TMEM117: variants seen among roughly 807,000 people sequenced by gnomAD.
TMEM117 encodes transmembrane protein 117.
TMEM117 carries 27 observed loss-of-function variants against 52.4 expected under a neutral mutation model. The ratio of observed to expected loss-of-function variants is 0.51; its 90% CI spans 0.38 to 0.71. The LOEUF (loss-of-function observed/expected upper bound fraction) is 0.71, where lower values mean the gene tolerates loss of function less well. Ranked by LOEUF, TMEM117 falls within the 30% of genes least tolerant of loss-of-function variation. TMEM117 has a pLI of 0.00. For synonymous variants in TMEM117, 215 were observed against 206.3 expected (o/e 1.04, Z -0.36); for missense variants, 556 against 630.5 (o/e 0.88, Z 1.26).
At chr12:44,327,286 G>C (rs1951209027) in intron 6 of TMEM117, among the ~76,000 whole-genome samples, 1 of 152,022 alleles carries the variant, frequency 6.6e-6, no homozygotes, top group Admixed American at 6.6e-5. Context: ...AGTACATTCA[G>C]GTATAAAACT....
the TMEM117 span, among the ~76,000 whole-genome samples, chr12:43,804,848 C>A: frequency 6.6e-6 from 1 of 152,188 alleles, no homozygotes; most frequent in Non-Finnish European, 1.5e-5. Flanking sequence ...ACTGAAGTTA[C>A]TCAAACCCAA....
intron 3 of TMEM117, among the ~76,000 whole-genome samples, chr12:44,068,879 C>G (rs2137975993): frequency 6.6e-6 from 1 of 152,194 alleles, no homozygotes; most frequent in East Asian, 1.9e-4. Context: ...AAGTAAAGCA[C>G]AATAAAATGA....
chr12:43,806,119 G>A, the TMEM117 span: 1 of 1,525,128 alleles, frequency 6.6e-7, no homozygotes, highest in Non-Finnish European at 8.8e-7. Context: ...CCGACTTCCG[G>A]AGCTCCCGGC....
At chr12:44,042,954 A>G (rs572345720) in intron 3 of TMEM117, among the ~76,000 whole-genome samples, 5 of 152,276 alleles carry the variant, frequency 3.3e-5, no homozygotes, top group African/African-American at 1.2e-4. Flanking sequence ...TTAGACCCCA[A>G]AATGCTAAGG....
chr12:44,380,317 G>A (rs1288868174), intron 7 of TMEM117, among the ~76,000 whole-genome samples: 1 of 152,140 alleles, frequency 6.6e-6, no homozygotes, highest in African/African-American at 2.4e-5. Flanking sequence ...CACAGAGGAA[G>A]CTGGAGCCAG....
chr12:43,845,112 T>G lies in TMEM117; in HGVS notation c.277+184T>G, dbSNP rs1943179806. On this transcript the variant is annotated intron_variant, in intron 2 of 7. Coordinates refer to ENST00000266534, the MANE Select transcript of TMEM117 (RefSeq NM_032256.3). ...CTCTCTGTTAATGGTTTACTTTTCC[T>G]ACTGTCTAAGGAAAATTAGCACGAG... The G allele has an allele frequency of 6.4e-6, 4 of 626,782 alleles. No individual in the cohort carries two copies. The East Asian group carries it at 1.2e-4, about 19-fold the overall frequency. The allele number at this position is 626,782 out of a possible 1,614,324, so 38.8% of individuals were successfully genotyped here. A position where few individuals can be genotyped will look rare whatever the true frequency, so the allele number is the denominator to read the frequency against.
chr12:43,857,277 A>C (rs1289815767), intron 2 of TMEM117, among the ~76,000 whole-genome samples: 1 of 151,482 alleles, frequency 6.6e-6, no homozygotes, highest in Admixed American at 6.6e-5. Flanking sequence ...GAGCATTATA[A>C]TTAAGCAATT....
intron 2 of TMEM117, among the ~76,000 whole-genome samples, chr12:43,887,234 G>A (rs1944013886): frequency 6.6e-6 from 1 of 152,086 alleles, no homozygotes; most frequent in African/African-American, 2.4e-5. Context: ...GTACTGCCTG[G>A]GACAAAGCTA....
chr12:43,990,513 C>T (rs540762486), intron 3 of TMEM117, among the ~76,000 whole-genome samples: 3 of 152,144 alleles, frequency 2.0e-5, no homozygotes, highest in East Asian at 1.9e-4. Context: ...TACCTCACAC[C>T]GTAAAAGATT....
intron 5 of TMEM117, among the ~76,000 whole-genome samples, chr12:44,276,106 T>G (rs987654589): frequency 8.6e-5 from 13 of 152,028 alleles, no homozygotes; most frequent in Non-Finnish European, 1.8e-4. Flanking sequence ...AAAATAGAAC[T>G]GTCATGTGAT....
chr12:44,037,129 T>C (rs980247953), intron 3 of TMEM117, among the ~76,000 whole-genome samples: 3 of 151,976 alleles, frequency 2.0e-5, no homozygotes, highest in African/African-American at 7.3e-5. Flanking sequence ...TTAGGAGCCT[T>C]GCACTTCCCA....
intron 3 of TMEM117, among the ~76,000 whole-genome samples, chr12:44,128,061 A>C (rs944486470): frequency 1.3e-5 from 2 of 152,214 alleles, no homozygotes; most frequent in Non-Finnish European, 2.9e-5. Flanking sequence ...TTATGCTTCT[A>C]ATGTTCCCAT....
At position 44,245,060 on chromosome 12, in the gene TMEM117, A is replaced by G. The variant is rs185925262; in HGVS notation, c.608+33673A>G. ...TTCCATTGGTTGGTGTGTCTATTTT[A>G]TGTTAGTATCATGCTATTTTGATTA... On this transcript the variant is annotated intron_variant, in intron 5 of 7. Coordinates refer to ENST00000266534, the MANE Select transcript of TMEM117 (RefSeq NM_032256.3). 2.4e-3 allele frequency among the ~76,000 whole-genome samples: 360 copies of G among 152,068 alleles called. 1 individual carries two copies. The highest frequency in any genetic ancestry group is 8.1e-3 in the African/African-American group (336 of 41,540).
intron 2 of TMEM117, among the ~76,000 whole-genome samples, chr12:43,943,895 T>C (rs1227981572): frequency 1.3e-5 from 2 of 152,178 alleles, no homozygotes; most frequent in East Asian, 3.8e-4. Flanking sequence ...AAATAAAAAA[T>C]AGCAGGTAAG....
chr12:44,329,889 A>G (rs1029831045), intron 6 of TMEM117, among the ~76,000 whole-genome samples: 20 of 151,886 alleles, frequency 1.3e-4, no homozygotes, highest in African/African-American at 4.8e-4. Context: ...TATATACCGT[A>G]TTTTGTTTAT....
In TMEM117 at chr12:43,994,790, C is replaced by T. The variant is rs1442181700; in HGVS notation, c.410+50448C>T. 2.0e-5 allele frequency among the ~76,000 whole-genome samples: 3 copies of T among 152,042 alleles called. No individual in the cohort carries two copies. In the East Asian group the frequency reaches 5.8e-4, roughly 29 times the overall value. ...CATATTATGTTTGATGGAAAATGGT[C>T]TTCGTTGGACTGGGAAGAGGAATTG... is the stretch of plus-strand genomic sequence containing the variant. On this transcript the variant is annotated intron_variant, in intron 3 of 7. Coordinates refer to ENST00000266534, the MANE Select transcript of TMEM117 (RefSeq NM_032256.3).
intron 3 of TMEM117, among the ~76,000 whole-genome samples, chr12:44,081,572 C>T (rs562970465): frequency 7.4e-4 from 113 of 152,144 alleles, no homozygotes; most frequent in Non-Finnish European, 9.6e-4. Flanking sequence ...ATTAGATGGC[C>T]TTGGAATATA....
intron 5 of TMEM117, among the ~76,000 whole-genome samples, chr12:44,249,481 G>GA (rs1174943351): frequency 6.6e-6 from 1 of 152,106 alleles, no homozygotes; most frequent in East Asian, 1.9e-4. Flanking sequence ...CACAGAATTA[G>GA]AAAAAACTAC....
intron 7 of TMEM117, among the ~76,000 whole-genome samples, chr12:44,382,484 A>G (rs1265998712): frequency 1.3e-5 from 2 of 152,200 alleles, no homozygotes; most frequent in East Asian, 3.9e-4. Flanking sequence ...AGAGTTTACA[A>G]GTTGGTTAAC....
Sources: gnomAD v4.1 joint callset for allele counts (sites outside exome capture counted in the v4.1 genomes callset) on GRCh38, gnomAD v4.1.1 for gene constraint, MANE v1.5 for transcripts, NCBI Gene and HGNC (gene_info 2026-07-23, HGNC 2026-07-21) for gene names.